DNER: variants seen among roughly 807,000 people sequenced by gnomAD.
DNER encodes delta/notch like EGF repeat containing.
In DNER, 33 loss-of-function variants were observed where a neutral mutation model predicts 78.2. The observed-to-expected ratio is 0.42, with a 90% CI of 0.32 to 0.56. DNER has a LOEUF of 0.56. DNER is among the 20% of genes least tolerant of loss of function. DNER has a pLI of 0.11. For synonymous variants in DNER, 417 were observed against 384.8 expected (o/e 1.08, Z -0.98); for missense variants, 918 against 975.3 (o/e 0.94, Z 0.78).
rs989795297 is a variant in DNER at position 229,604,823 on chromosome 2, T to C, written c.277-12935A>G. On this transcript the variant is annotated intron_variant, in intron 1 of 12. Transcript: ENST00000341772. ...TTCATTTATCTGGAGATAAGCCTTC[T>C]ATATACAGCAGGCTTCATATAGACA... Among the ~76,000 whole-genome samples the C allele has an allele frequency of 2.6e-5, 4 of 152,306 alleles. No homozygotes were observed. In the East Asian group the frequency reaches 7.7e-4, roughly 29 times the overall value.
intron 10 of DNER, among the ~76,000 whole-genome samples, chr2:229,392,179 T>C (rs997907618): frequency 4.6e-5 from 7 of 151,982 alleles, no homozygotes; most frequent in Non-Finnish European, 8.8e-5. Context: ...AAGTGAGTTT[T>C]AAAAATTATT....
chr2:229,687,848 G>T (rs537686897), intron 1 of DNER, among the ~76,000 whole-genome samples: 113 of 152,248 alleles, frequency 7.4e-4, no homozygotes, highest in African/African-American at 2.4e-3. Context: ...GCACTGCTTT[G>T]GGTCATACTG....
At chr2:229,440,541 TC>T (rs558855388) in intron 8 of DNER, among the ~76,000 whole-genome samples, 10 of 152,304 alleles carry the variant, frequency 6.6e-5, no homozygotes, top group Non-Finnish European at 1.2e-4. Context: ...TTTTCCCCTT[TC>T]TTTTTACACT....
chr2:229,475,658 C>A lies in DNER; in HGVS notation c.1261+1482G>T, dbSNP rs565572768. Among the ~76,000 whole-genome samples, 7 of 152,270 alleles carry A rather than the reference C, an allele frequency of 4.6e-5. No individual in the cohort carries two copies. In the South Asian group the frequency reaches 1.2e-3, roughly 27 times the overall value. On this transcript the variant is annotated intron_variant, in intron 7 of 12. Coordinates refer to ENST00000341772, the MANE Select transcript of DNER (RefSeq NM_139072.4). ...CAACTAGGAAATTGTAGTACGAGTGCAAGCAAAATTCTGTTTTTAGTTCGA... is the reference window on the plus strand; with the variant it reads ...CAACTAGGAAATTGTAGTACGAGTGAAAGCAAAATTCTGTTTTTAGTTCGA...
intron 4 of DNER, among the ~76,000 whole-genome samples, chr2:229,574,707 A>G (rs1697267486): frequency 6.6e-6 from 1 of 152,212 alleles, no homozygotes; most frequent in Admixed American, 6.5e-5. Context: ...TCAAAAGAAA[A>G]TAAATTACCT....
chr2:229,626,306 G>A (rs1449102247), intron 1 of DNER, among the ~76,000 whole-genome samples: 5 of 152,162 alleles, frequency 3.3e-5, no homozygotes, highest in Admixed American at 6.5e-5. Flanking sequence ...AAGGAGGAAC[G>A]CAATCCGCTG....
chr2:229,646,518 A>G (rs1393095413), intron 1 of DNER, among the ~76,000 whole-genome samples: 1 of 152,248 alleles, frequency 6.6e-6, no homozygotes, highest in Admixed American at 6.5e-5. Context: ...GACAGAACTT[A>G]TGGAGGAAAA....
intron 3 of DNER, 80 bp downstream of exon 3, chr2:229,588,314 A>T (rs1312405854): frequency 7.6e-7 from 1 of 1,320,572 alleles, no homozygotes; most frequent in Non-Finnish European, 1.1e-6. Flanking sequence ...CCACTTACAC[A>T]CCAGGTCCGC....
intron 6 of DNER, among the ~76,000 whole-genome samples, chr2:229,494,565 C>T (rs1695464533): frequency 1.3e-5 from 2 of 152,320 alleles, no homozygotes; most frequent in South Asian, 4.1e-4. Context: ...GCAGTGTCAC[C>T]CCACAGCTTT....
At chr2:229,402,435 A>G (rs1045120862) in intron 10 of DNER, among the ~76,000 whole-genome samples, 1 of 152,256 alleles carries the variant, frequency 6.6e-6, no homozygotes, top group Admixed American at 6.5e-5. Context: ...AAATTAAAGC[A>G]CTGATGGTAT....
intron 4 of DNER, among the ~76,000 whole-genome samples, chr2:229,558,412 T>C (rs1433370973): frequency 6.6e-6 from 1 of 152,166 alleles, no homozygotes; most frequent in Non-Finnish European, 1.5e-5. Context: ...ATAAAGGCTT[T>C]CTGTCAAAAA....
At chr2:229,671,773 A>G (rs1048591201) in intron 1 of DNER, among the ~76,000 whole-genome samples, 2 of 152,196 alleles carry the variant, frequency 1.3e-5, no homozygotes, top group African/African-American at 4.8e-5. Context: ...GCAGATAACA[A>G]CTACCCTCTT....
chr2:229,366,784 G>T (rs1692356778), intron 12 of DNER, 89 bp downstream of exon 12: 1 of 1,549,202 alleles, frequency 6.5e-7, no homozygotes. Context: ...TCTCCTCTTT[G>T]CAAATGGAAA....
intron 6 of DNER, among the ~76,000 whole-genome samples, chr2:229,497,403 A>G (rs1695521381): frequency 6.6e-6 from 1 of 152,112 alleles, no homozygotes; most frequent in East Asian, 1.9e-4. Context: ...GACAAAGAAC[A>G]AAGCCCAAAG....
intron 1 of DNER, among the ~76,000 whole-genome samples, chr2:229,640,552 T>C (rs924203114): frequency 2.6e-5 from 4 of 152,014 alleles, no homozygotes; most frequent in Admixed American, 6.6e-5. Flanking sequence ...CAAAAAATAT[T>C]TCAAATCAGT....
intron 1 of DNER, among the ~76,000 whole-genome samples, chr2:229,651,470 C>T (rs188904361): frequency 1.3e-5 from 2 of 152,112 alleles, no homozygotes; most frequent in East Asian, 3.9e-4. Flanking sequence ...TCTTTTTTGC[C>T]CTCTGCAGGT....
In DNER at chr2:229,588,493, G is replaced by GA. The variant is rs764231807; in HGVS notation, c.586-6dup. On this transcript the variant is annotated splice_region_variant and splice_polypyrimidine_tract_variant and intron_variant, in intron 2 of 12. Transcript: ENST00000341772. ...ACAGGCAATATCTGGGATCACCTGG[G>GA]AAGGGAAAAAAAAAACGACATATGA... 12 of 1,307,836 alleles carry GA rather than the reference G, an allele frequency of 9.2e-6. No individual in the cohort carries two copies. Among genetic ancestry groups the GA allele is most frequent in the Middle Eastern group, 1.9e-4 (1 of 5,390 alleles). The allele number at this position is 1,307,836 out of a possible 1,614,324, so 81.0% of individuals were successfully genotyped here.
intron 8 of DNER, among the ~76,000 whole-genome samples, chr2:229,446,824 T>C (rs1260074513): frequency 6.6e-6 from 1 of 152,202 alleles, no homozygotes; most frequent in Non-Finnish European, 1.5e-5. Flanking sequence ...ATAATGTGCA[T>C]AGAGTAACAA....
chr2:229,366,155 C>A (rs1012977387), intron 12 of DNER, among the ~76,000 whole-genome samples: 5 of 152,170 alleles, frequency 3.3e-5, no homozygotes, highest in Non-Finnish European at 7.3e-5. Flanking sequence ...GCTCATCCTG[C>A]ACATGTATCC....
Sources: allele counts gnomAD v4.1 joint callset (sites outside exome capture counted in the v4.1 genomes callset), GRCh38; gene constraint gnomAD v4.1.1; transcripts MANE v1.5; gene names NCBI Gene and HGNC (gene_info 2026-07-23, HGNC 2026-07-21).